Variants in PGGT1B observed in about 807,000 individuals in gnomAD.
The protein encoded by PGGT1B is geranylgeranyl transferase type-1 subunit beta.
In PGGT1B, 30 loss-of-function variants were observed where a neutral mutation model predicts 46.1. That is an observed-to-expected ratio of 0.65 (90% CI 0.49 to 0.88). The LOEUF (loss-of-function observed/expected upper bound fraction) is 0.88, where lower values mean the gene tolerates loss of function less well. PGGT1B is among the 40% of genes least tolerant of loss of function. PGGT1B has a pLI of 0.00. For missense variants in PGGT1B, 376 were observed against 455.9 expected (o/e 0.82, Z 1.60); for synonymous variants, 170 against 160.0 (o/e 1.06, Z -0.47).
chr5:115,218,788 T>C (rs905708598), intron 7 of PGGT1B, among the ~76,000 whole-genome samples: 1 of 151,880 alleles, frequency 6.6e-6, no homozygotes, highest in African/African-American at 2.4e-5. Flanking sequence ...CATAAAAAGT[T>C]GGTAGTTACT....
chr5:115,261,855 T>C (rs1748568339), intron 1 of PGGT1B, among the ~76,000 whole-genome samples: 1 of 152,228 alleles, frequency 6.6e-6, no homozygotes, highest in African/African-American at 2.4e-5. Context: ...CAAATGCTTG[T>C]CTTGTTCAGC....
rs1756099287 is a variant in PGGT1B, at chr5:115,207,454, A to T, written c.*4948T>A. On this transcript the variant is annotated 3_prime_UTR_variant, in exon 9 of 9. Coordinates refer to ENST00000419445, the MANE Select transcript of PGGT1B (RefSeq NM_005023.4). ...ATGGTTCCACTCATATAAAATTCAA[A>T]AACAGACAAAACTAATTGATGGTAA... The T allele has an allele frequency of 6.6e-6, 1 of 151,746 alleles. No individual in the cohort carries two copies. Among genetic ancestry groups the T allele is most frequent in the Non-Finnish European group, 1.5e-5 (1 of 67,850 alleles). The allele number at this position is 151,746 out of a possible 1,614,324, so 9.4% of individuals were successfully genotyped here. A position where few individuals can be genotyped will look rare whatever the true frequency, so the allele number is the denominator to read the frequency against.
chr5:115,262,814 C>T lies in PGGT1B; in HGVS notation c.38G>A (p.Gly13Asp), dbSNP rs1040673051. 1.2e-6 allele frequency: 2 copies of T among 1,612,642 alleles called. No homozygotes were observed. Among genetic ancestry groups the T allele is most frequent in the Non-Finnish European group, 1.7e-6 (2 of 1,179,946 alleles). The change falls in exon 1 of 9, where the codon GGT becomes GAT. Residue 13 changes from glycine to aspartate, a missense_variant. Around this residue, in one of 2 missense-constraint regions of PGGT1B, gnomAD observed 154 missense variants for 142.3 expected, o/e 1.08. Coordinates refer to ENST00000419445, the MANE Select transcript of PGGT1B (RefSeq NM_005023.4). ...ATEDERLAGS[G>D]EGERLDFLRD... ...TAAGAAATCCAGCCGCTCTCCCTCA[C>T]CGCTCCCTGCTAGCCTCTCATCCTC... is the stretch of plus-strand genomic sequence containing the variant.
At chr5:115,244,466 CA>C (rs1299602640) in intron 2 of PGGT1B, among the ~76,000 whole-genome samples, 38 of 31,190 alleles carry the variant, frequency 1.2e-3, no homozygotes, top group South Asian at 2.3e-3. Context: ...CTCTGTCTCA[CA>C]AAAAAAAAAA....
At chr5:115,216,815 G>T (rs760735191) in intron 8 of PGGT1B, 50 bp downstream of exon 8, 1 of 880,988 alleles carries the variant, frequency 1.1e-6, no homozygotes, top group Non-Finnish European at 1.9e-6. Context: ...GATGCTTGAA[G>T]ATCTATTCAG....
intron 6 of PGGT1B, among the ~76,000 whole-genome samples, chr5:115,224,833 C>CA (rs551706210): frequency 0.08 from 5,214 of 65,412 alleles, 125 homozygotes; most frequent in Middle Eastern, 0.19. Flanking sequence ...GACTATGTCT[C>CA]AAAAAAAAAA....
chr5:115,238,929 G>GT (rs1304598890), intron 3 of PGGT1B, among the ~76,000 whole-genome samples: 9 of 152,112 alleles, frequency 5.9e-5, no homozygotes, highest in Non-Finnish European at 1.3e-4. Context: ...CCCATGAATC[G>GT]TAAGATTTTC....
rs1354626786 is a variant in PGGT1B, at chr5:115,207,430, T to C, written c.*4972A>G. 6.6e-6 allele frequency: 1 copy of C among 151,758 alleles called. No homozygotes were observed. The highest frequency in any genetic ancestry group is 2.4e-5 in the African/African-American group (1 of 41,360). The allele number at this position is 151,758 out of a possible 1,614,324, so 9.4% of individuals were successfully genotyped here. ...CAGTTGAAAAATAATGTATACTATATGGTTCCACTCATATAAAATTCAAAA... is the reference window on the plus strand; with the variant it reads ...CAGTTGAAAAATAATGTATACTATACGGTTCCACTCATATAAAATTCAAAA... On this transcript the variant is annotated 3_prime_UTR_variant, in exon 9 of 9. Transcript: ENST00000419445.
At chr5:115,221,552 T>A (rs1756589752) in intron 7 of PGGT1B, among the ~76,000 whole-genome samples, 2 of 152,008 alleles carry the variant, frequency 1.3e-5, no homozygotes, top group African/African-American at 4.8e-5. Flanking sequence ...AGAAAGTAAG[T>A]ATTTAATATG....
At chr5:115,212,715 A>G in intron 8 of PGGT1B, 132 bp from the exon 9 acceptor site, 1 of 579,038 alleles carries the variant, frequency 1.7e-6, no homozygotes, top group Non-Finnish European at 2.9e-6. Flanking sequence ...TATAGTTTTA[A>G]AAATATTTGC....
rs1489434858 is a variant in PGGT1B, at chr5:115,205,903, A to G, written c.*6499T>C. ...ATACATTTTCAAGGATCTCACAGCA[A>G]TATTTTTGTAGTTGTGAAAAATAAG... On this transcript the variant is annotated 3_prime_UTR_variant, in exon 9 of 9. Coordinates refer to ENST00000419445, the MANE Select transcript of PGGT1B (RefSeq NM_005023.4). 1 of 147,526 alleles carries G rather than the reference A, an allele frequency of 6.8e-6. No individual in the cohort carries two copies. 9.1% of individuals were successfully genotyped at this position (147,526 alleles called of 1,614,324 possible).
At chr5:115,260,762 G>C (rs1748522373) in intron 1 of PGGT1B, among the ~76,000 whole-genome samples, 1 of 152,048 alleles carries the variant, frequency 6.6e-6, no homozygotes, top group Admixed American at 6.5e-5. Context: ...ATGCACCAAG[G>C]TGTTATATAA....
At chr5:115,260,342 A>G (rs1748501217) in intron 1 of PGGT1B, among the ~76,000 whole-genome samples, 1 of 152,198 alleles carries the variant, frequency 6.6e-6, no homozygotes, top group African/African-American at 2.4e-5. Flanking sequence ...GAACACCTGA[A>G]TCATTAGTTT....
At chr5:115,222,418 T>A (rs1244725908) in intron 6 of PGGT1B, among the ~76,000 whole-genome samples, 1 of 152,072 alleles carries the variant, frequency 6.6e-6, no homozygotes, top group African/African-American at 2.4e-5. Context: ...TACAAACAAG[T>A]TTTCACAAAT....
At chr5:115,249,794 T>C (rs1168307898) in intron 2 of PGGT1B, among the ~76,000 whole-genome samples, 1 of 152,214 alleles carries the variant, frequency 6.6e-6, no homozygotes, top group East Asian at 1.9e-4. Context: ...GACAGTTTCA[T>C]GTCAGTATAT....
At chr5:115,215,150 C>T (rs60460575) in intron 8 of PGGT1B, among the ~76,000 whole-genome samples, 2,024 of 152,104 alleles carry the variant, frequency 0.013, 48 homozygotes, top group African/African-American at 0.046. Context: ...AGGTGTGCAC[C>T]ACCATGCCTG....
chr5:115,257,640 G>C (rs1748380584), intron 1 of PGGT1B, among the ~76,000 whole-genome samples: 1 of 151,494 alleles, frequency 6.6e-6, no homozygotes, highest in Non-Finnish European at 1.5e-5. Flanking sequence ...TAATTTATGA[G>C]AGTTGACTAG....
At chr5:115,259,797 AG>A (rs1449780395) in intron 1 of PGGT1B, among the ~76,000 whole-genome samples, 6 of 151,994 alleles carry the variant, frequency 3.9e-5, no homozygotes, top group Non-Finnish European at 7.4e-5. Context: ...GGGAAAATAG[AG>A]GGACATGAGA....
intron 7 of PGGT1B, 29 bp from the exon 8 acceptor site, chr5:115,217,002 C>T (rs754392598): frequency 5.0e-5 from 50 of 993,222 alleles, no homozygotes; most frequent in Middle Eastern, 2.1e-4. Flanking sequence ...TAAAAATTTA[C>T]TGACATAAAA....
Sources: allele counts gnomAD v4.1 joint callset (sites outside exome capture counted in the v4.1 genomes callset), GRCh38; gene constraint gnomAD v4.1.1; regional missense constraint gnomAD v4.1.1; transcripts MANE v1.5; gene names NCBI Gene and HGNC (gene_info 2026-07-23, HGNC 2026-07-21).